The following ETS1 variants were observed in gnomAD, a reference collection of about 807,000 sequenced individuals.
ETS1 encodes ETS proto-oncogene 1, transcription factor.
A neutral mutation model predicts 58.6 loss-of-function variants in ETS1; 15 were observed. The ratio of observed to expected loss-of-function variants is 0.26; its 90% confidence interval spans 0.17 to 0.39. ETS1 has a LOEUF of 0.39. ETS1 is among the 10% of genes least tolerant of loss of function. ETS1 has a pLI of 1.00. For missense variants in ETS1, 417 were observed against 610.5 expected (o/e 0.68, Z 3.34); for synonymous variants, 214 against 218.2 (o/e 0.98, Z 0.17).
At chr11:128,471,356 A>G (rs958580267) in intron 8 of ETS1, among the ~76,000 whole-genome samples, 5 of 152,238 alleles carry the variant, frequency 3.3e-5, no homozygotes, top group Non-Finnish European at 7.3e-5. Flanking sequence ...GGTATGAGGG[A>G]AAGACCTTTG....
chr11:128,497,582 A>G, intron 3 of ETS1: 1 of 985,046 alleles, frequency 1.0e-6, no homozygotes, highest in Non-Finnish European at 1.2e-6. Flanking sequence ...CCAGGCTCAC[A>G]CATGGTTCCA....
chr11:128,586,920 A>G (rs372590484), intron 1 of ETS1, among the ~76,000 whole-genome samples: 85 of 152,316 alleles, frequency 5.6e-4, no homozygotes, highest in African/African-American at 2.0e-3. Context: ...CCATGTCTCA[A>G]CAACAGACTT....
At chr11:128,486,254 G>A in intron 5 of ETS1, 108 bp from the exon 6 acceptor site, 8 of 693,010 alleles carry the variant, frequency 1.2e-5, no homozygotes, top group Non-Finnish European at 2.1e-5. Context: ...CCTTTTCTAA[G>A]AAATCTGCAT....
chr11:128,479,423 C>T (rs150084358), intron 8 of ETS1, among the ~76,000 whole-genome samples: 144 of 152,330 alleles, frequency 9.5e-4, no homozygotes, highest in African/African-American at 3.3e-3. Flanking sequence ...CACATTAATG[C>T]TCCTTGGCTA....
At chr11:128,565,058 A>AAATAAAAT (rs374454292) in intron 2 of ETS1, among the ~76,000 whole-genome samples, 3 of 142,746 alleles carry the variant, frequency 2.1e-5, no homozygotes, top group Admixed American at 6.9e-5. Flanking sequence ...ATAAATAAAT[A>AAATAAAAT]AAATAAATGT....
chr11:128,566,735 A>C (rs1864509211), intron 2 of ETS1, among the ~76,000 whole-genome samples: 1 of 151,276 alleles, frequency 6.6e-6, no homozygotes, highest in African/African-American at 2.4e-5. Context: ...GTGAGCCGAG[A>C]GGGCGCCACT....
At position 128,522,244 on chromosome 11, in the gene ETS1, T is replaced by C. The variant is rs978874832; in HGVS notation, c.215-31668A>G. On this transcript the variant is annotated intron_variant, in intron 3 of 9. Coordinates refer to ENST00000392668, the MANE Select transcript of ETS1 (RefSeq NM_001143820.2). ...CCAGCCTCGCCCGCGCCGCGCCCGCTCCTCCTGCCCGGCCCTCGCCCGCTC... is the reference window on the plus strand; with the variant it reads ...CCAGCCTCGCCCGCGCCGCGCCCGCCCCTCCTGCCCGGCCCTCGCCCGCTC... 7 of 1,191,870 alleles carry C rather than the reference T, an allele frequency of 5.9e-6. No individual in the cohort carries two copies. In the African/African-American group the frequency reaches 9.7e-5, roughly 16 times the overall value. The allele number at this position is 1,191,870 out of a possible 1,614,324, so 73.8% of individuals were successfully genotyped here.
intron 3 of ETS1, among the ~76,000 whole-genome samples, chr11:128,551,046 C>T (rs1864220641): frequency 6.6e-6 from 1 of 152,220 alleles, no homozygotes; most frequent in African/African-American, 2.4e-5. Flanking sequence ...AGCACACACA[C>T]TCTCAGGACC....
chr11:128,522,434 A>G, intron 3 of ETS1: 4 of 817,384 alleles, frequency 4.9e-6, no homozygotes, highest in Non-Finnish European at 4.4e-6. Flanking sequence ...CGCTTGGGGG[A>G]GCGAGGGGCG....
chr11:128,556,495 A>T (rs1012071755), intron 2 of ETS1, 60 bp from the exon 3 acceptor site: 19 of 1,198,184 alleles, frequency 1.6e-5, no homozygotes, highest in African/African-American at 6.1e-5. Flanking sequence ...GTTTAGCCCT[A>T]AAGAACTATG....
intron 3 of ETS1, chr11:128,529,051 G>A (rs910616507): frequency 3.3e-5 from 5 of 152,164 alleles, no homozygotes; most frequent in African/African-American, 1.2e-4. Flanking sequence ...TCCGAACTTC[G>A]AGTTGAATCT....
chr11:128,552,151 C>T (rs1039632093), intron 3 of ETS1, among the ~76,000 whole-genome samples: 3 of 151,948 alleles, frequency 2.0e-5, no homozygotes, highest in Admixed American at 1.3e-4. Flanking sequence ...GGTATAGATC[C>T]GGAAACTGGG....
intron 8 of ETS1, among the ~76,000 whole-genome samples, chr11:128,465,921 G>T (rs555306186): frequency 6.6e-6 from 1 of 152,200 alleles, no homozygotes; most frequent in Non-Finnish European, 1.5e-5. Context: ...GAGTAGCCGG[G>T]ACTGGAACCC....
At chr11:128,560,413 G>A (rs866048384) in intron 2 of ETS1, among the ~76,000 whole-genome samples, 5 of 152,218 alleles carry the variant, frequency 3.3e-5, no homozygotes, top group Middle Eastern at 3.4e-3. Context: ...GCGCCCGGCC[G>A]AGATGGTCAC....
chr11:128,542,404 G>C (rs1187083709), intron 3 of ETS1, among the ~76,000 whole-genome samples: 1 of 152,098 alleles, frequency 6.6e-6, no homozygotes, highest in Non-Finnish European at 1.5e-5. Flanking sequence ...AGAGACTTTA[G>C]AAGATTATTG....
rs1861947508 is a variant in ETS1, at chr11:128,463,122, ATG to A, written c.1242+385_1242+386del. ...GGCACGGAACCACTACTCCATAAAC[ATG>A]TGTGTAATGAAATAAGAAACTAATG... On this transcript the variant is annotated intron_variant, in intron 9 of 9. Transcript: ENST00000392668. This position sits in a 1 kb window ranked among gnomAD's most constrained non-coding sequence, Gnocchi z 4.1. Among the ~76,000 whole-genome samples, 1 of 85,508 alleles carries A rather than the reference ATG, an allele frequency of 1.2e-5. No individual in the cohort carries two copies. The highest frequency in any genetic ancestry group is 4.5e-5 in the African/African-American group (1 of 22,036). 56.1% of individuals were successfully genotyped at this position (85,508 alleles called of 152,430 possible).
chr11:128,572,337 C>G (rs1165224345), intron 2 of ETS1: 1 of 150,624 alleles, frequency 6.6e-6, no homozygotes, highest in Non-Finnish European at 1.5e-5. Context: ...AAAAATTCAA[C>G]ATTTATGATG....
chr11:128,559,155 G>T (rs372361309), intron 2 of ETS1, among the ~76,000 whole-genome samples: 1 of 152,222 alleles, frequency 6.6e-6, no homozygotes, highest in Non-Finnish European at 1.5e-5. Context: ...CCCTGCTAGG[G>T]TGGTGGGAAC....
At chr11:128,565,373 C>A (rs1187573233) in intron 2 of ETS1, among the ~76,000 whole-genome samples, 5 of 152,228 alleles carry the variant, frequency 3.3e-5, no homozygotes, top group Non-Finnish European at 7.3e-5. Context: ...TGATCTTGAA[C>A]ATTCCAGCAT....
Sources: gnomAD v4.1 joint callset for allele counts (sites outside exome capture counted in the v4.1 genomes callset) on GRCh38, gnomAD v4.1.1 for gene constraint, Gnocchi (gnomAD v3.1) non-coding constraint, MANE v1.5 for transcripts, NCBI Gene and HGNC (gene_info 2026-07-23, HGNC 2026-07-21) for gene names.